The following PPP1R13B variants were observed in gnomAD, a reference collection of about 807,000 sequenced individuals.
The protein encoded by PPP1R13B is protein phosphatase 1 regulatory subunit 13B.
PPP1R13B carries 44 observed loss-of-function variants against 119.8 expected under a neutral mutation model. The ratio of observed to expected loss-of-function variants is 0.37; its 90% CI spans 0.29 to 0.47. PPP1R13B has a LOEUF of 0.47. Ranked by LOEUF, PPP1R13B falls within the 20% of genes least tolerant of loss-of-function variation. The pLI is 0.99. For missense variants in PPP1R13B, 1,227 were observed against 1,413.5 expected, an observed-to-expected ratio of 0.87 and a Z score of 2.12; for synonymous variants, 542 against 561.5, an observed-to-expected ratio of 0.97 and a Z score of 0.49.
chr14:103,773,169 C>T (rs958472095), intron 4 of PPP1R13B, among the ~76,000 whole-genome samples: 1 of 151,820 alleles, frequency 6.6e-6, no homozygotes, highest in Non-Finnish European at 1.5e-5. Context: ...AATTCACTAA[C>T]TGAAAGATGA....
rs778430696 is a variant in PPP1R13B, at chr14:103,741,941, C to T, written c.1671G>A (p.Leu557=). 5.6e-6 allele frequency: 9 copies of T among 1,614,246 alleles called. No homozygotes were observed. Among genetic ancestry groups the T allele is most frequent in the Non-Finnish European group, 7.6e-6 (9 of 1,180,046 alleles). Residue 557 remains leucine (L), a synonymous_variant, in exon 11 of 17, where the codon CTG becomes CTA. Transcript: ENST00000202556. ...LPLTVAIRPF[L]ADKGSRPQSP... ...ACTGTGGCCTTGACCCTTTATCAGC[C>T]AGGAAAGGCCTAATGGCCACTGTCA...
chr14:103,749,864 T>C lies in PPP1R13B; in HGVS notation c.899A>G (p.Asn300Ser). 2 of 1,614,224 alleles carry C rather than the reference T, an allele frequency of 1.2e-6. No individual in the cohort carries two copies. Among genetic ancestry groups the C allele is most frequent in the Non-Finnish European group, 1.7e-6 (2 of 1,180,046 alleles). The change falls in exon 8 of 17, where the codon AAC becomes AGC. Residue 300 changes from asparagine (N) to serine (S), a missense_variant. Asn to Ser is a conservative substitution (Grantham distance 46, BLOSUM62 1). Transcript: ENST00000202556. ...QQQKELLNKR[N>S]MEVAMMDKRI... ...CTTGTCCATCATGGCCACCTCCATG[T>C]TGCGCTTATTTAAGAGTTCCTTCTG...
chr14:103,734,354 C>A lies in PPP1R13B; in HGVS notation c.*800G>T. 1 of 374,832 alleles carries A rather than the reference C, an allele frequency of 2.7e-6. No homozygotes were observed. The allele number at this position is 374,832 out of a possible 1,614,324, so 23.2% of individuals were successfully genotyped here. On this transcript the variant is annotated 3_prime_UTR_variant, in exon 17 of 17. Transcript: ENST00000202556. ...CAACCCCAACCACCCTCCGCTGCCA[C>A]GGCCTCCAGCACCTGACTCCATTCA... is the stretch of plus-strand genomic sequence containing the variant.
intron 1 of PPP1R13B, among the ~76,000 whole-genome samples, chr14:103,810,954 T>C (rs2086139048): frequency 6.7e-6 from 1 of 150,050 alleles, no homozygotes. Flanking sequence ...TAGCCGGGCA[T>C]GGCAGTGCGT....
At chr14:103,777,478 C>T (rs2085234189) in intron 4 of PPP1R13B, among the ~76,000 whole-genome samples, 1 of 152,146 alleles carries the variant, frequency 6.6e-6, no homozygotes. Context: ...AGTCAGCCTA[C>T]TCAACTCTTA....
intron 1 of PPP1R13B, among the ~76,000 whole-genome samples, chr14:103,822,618 C>T (rs1035317648): frequency 6.6e-6 from 1 of 151,682 alleles, no homozygotes; most frequent in African/African-American, 2.4e-5. Flanking sequence ...TCAAGACCAG[C>T]CTGGCCAACA....
intron 16 of PPP1R13B, 49 bp downstream of exon 16, chr14:103,735,954 T>C: frequency 3.1e-6 from 5 of 1,599,664 alleles, no homozygotes; most frequent in Non-Finnish European, 4.3e-6. Context: ...CCGCATGCTG[T>C]ACAGAGACAC....
In PPP1R13B at chr14:103,733,841, T is replaced by C. The variant is rs2084015119; in HGVS notation, c.*1313A>G. ...CCATGCTCCTGTGGTCGGGCTGCTC[T>C]ACAAGGGCGTTCACTTTTCTTCACC... On this transcript the variant is annotated 3_prime_UTR_variant, in exon 17 of 17. Coordinates refer to ENST00000202556, the MANE Select transcript of PPP1R13B (RefSeq NM_015316.3). 6.6e-6 allele frequency: 1 copy of C among 152,500 alleles called. No individual in the cohort carries two copies. The highest frequency in any genetic ancestry group is 2.4e-5 in the African/African-American group (1 of 41,434). 9.4% of individuals were successfully genotyped at this position (152,500 alleles called of 1,614,324 possible).
At chr14:103,748,066 T>TACACACAC (rs58398068) in intron 8 of PPP1R13B, among the ~76,000 whole-genome samples, 48 of 138,238 alleles carry the variant, frequency 3.5e-4, no homozygotes, top group East Asian at 1.8e-3. Context: ...TTAAATCACA[T>TACACACAC]ACACACACAC....
intron 1 of PPP1R13B, among the ~76,000 whole-genome samples, chr14:103,822,073 T>C (rs2086422996): frequency 6.6e-6 from 1 of 151,886 alleles, no homozygotes; most frequent in Non-Finnish European, 1.5e-5. Flanking sequence ...ATACAAATCA[T>C]GCCTATGAAA....
chr14:103,760,458 C>G (rs986735079), intron 4 of PPP1R13B, among the ~76,000 whole-genome samples: 1 of 152,168 alleles, frequency 6.6e-6, no homozygotes, highest in Non-Finnish European at 1.5e-5. Flanking sequence ...GAGTTCAGCT[C>G]CAGGTCACAC....
intron 1 of PPP1R13B, among the ~76,000 whole-genome samples, chr14:103,798,754 G>A (rs1198847013): frequency 6.6e-6 from 1 of 151,752 alleles, no homozygotes; most frequent in African/African-American, 2.4e-5. Context: ...CCAGGCTGGA[G>A]TGCAGTGGCG....
intron 4 of PPP1R13B, among the ~76,000 whole-genome samples, chr14:103,758,636 G>A (rs918566183): frequency 2.0e-5 from 3 of 152,222 alleles, no homozygotes; most frequent in Non-Finnish European, 4.4e-5. Context: ...CACTCTGGGT[G>A]AGGAGCTATG....
At chr14:103,835,425 C>CTTTTTTTT (rs71126076) in intron 1 of PPP1R13B, among the ~76,000 whole-genome samples, 3 of 125,338 alleles carry the variant, frequency 2.4e-5, no homozygotes, top group African/African-American at 8.9e-5. Context: ...GCGCCCAGCA[C>CTTTTTTTT]TTTTTTTTTT....
intron 11 of PPP1R13B, among the ~76,000 whole-genome samples, chr14:103,741,154 G>A (rs2084247695): frequency 6.6e-6 from 1 of 152,238 alleles, no homozygotes; most frequent in Non-Finnish European, 1.5e-5. Flanking sequence ...TGTGAGTCTA[G>A]AAGCTGCAGC....
At chr14:103,778,318 G>C (rs1379553457) in intron 4 of PPP1R13B, among the ~76,000 whole-genome samples, 1 of 118,210 alleles carries the variant, frequency 8.5e-6, no homozygotes, top group African/African-American at 3.4e-5. Flanking sequence ...CTGGAGTACA[G>C]TGGTGCGATC....
At chr14:103,845,848 C>T (rs377684406) in intron 1 of PPP1R13B, among the ~76,000 whole-genome samples, 19 of 152,210 alleles carry the variant, frequency 1.2e-4, no homozygotes, top group African/African-American at 3.9e-4. Flanking sequence ...TTTCCAAATG[C>T]CTTATCTTAT....
At chr14:103,762,817 C>T (rs2084841925) in intron 4 of PPP1R13B, 2 of 911,988 alleles carry the variant, frequency 2.2e-6, no homozygotes, top group East Asian at 5.3e-5. Context: ...TGAATAAAAA[C>T]AGGAAGGAGA....
chr14:103,764,859 G>A (rs575452269), intron 4 of PPP1R13B, among the ~76,000 whole-genome samples: 4 of 151,988 alleles, frequency 2.6e-5, no homozygotes, highest in East Asian at 3.9e-4. Flanking sequence ...TCGCTCTGTC[G>A]CCCAGGCTGG....
Sources: allele counts gnomAD v4.1 joint callset (sites outside exome capture counted in the v4.1 genomes callset), GRCh38; gene constraint gnomAD v4.1.1; transcripts MANE v1.5; gene names NCBI Gene and HGNC (gene_info 2026-07-23, HGNC 2026-07-21).